CC2D2A: variants seen among roughly 807,000 people sequenced by gnomAD.
CC2D2A encodes the protein coiled-coil and C2 domain containing 2A, also known as coiled-coil and C2 domain-containing protein 2A.
In CC2D2A, 155 loss-of-function variants were observed where a neutral mutation model predicts 212.9. The observed-to-expected ratio is 0.73, with a 90% CI of 0.64 to 0.83. CC2D2A has a LOEUF of 0.83. Among genes scored for constraint, CC2D2A ranks in the 40% least tolerant of loss-of-function variants. The pLI is 0.00. For synonymous variants in CC2D2A, 667 were observed against 686.5 expected (o/e 0.97, Z 0.44); for missense variants, 1,856 against 1,956.2 (o/e 0.95, Z 0.97).
chr4:15,588,435 T>C lies in CC2D2A; in HGVS notation c.4179+506T>C, dbSNP rs1181295892. Among the ~76,000 whole-genome samples, 6 of 152,276 alleles carry C rather than the reference T, an allele frequency of 3.9e-5. No homozygotes were observed. The East Asian group carries it at 9.6e-4, about 24-fold the overall frequency. The stretch of plus-strand genomic sequence containing the variant: ...TAGCAGCTTTATTTTTATATTAACA[T>C]TGTTATTTTTATTAGATTGGAGACT... On this transcript the variant is annotated intron_variant, in intron 32 of 36. Coordinates refer to ENST00000424120, the MANE Select transcript of CC2D2A (RefSeq NM_001378615.1).
rs368667037 is a variant in CC2D2A, at chr4:15,577,428, CTTAAT to C, written c.3772-2537_3772-2533del. 2.8e-3 allele frequency among the ~76,000 whole-genome samples: 432 copies of C among 152,320 alleles called. 6 individuals carry two copies. The highest frequency in any genetic ancestry group is 0.01 in the African/African-American group (418 of 41,564). ...TCAAACTGAAATTTGTCAGCTCCAC[CTTAAT>C]TTGTTTCATCATAAGTGACCCAAAT... On this transcript the variant is annotated intron_variant, in intron 29 of 36. Coordinates refer to ENST00000424120, the MANE Select transcript of CC2D2A (RefSeq NM_001378615.1).
At chr4:15,589,473 T>C (rs1388703053) in intron 32 of CC2D2A, 72 bp from the exon 33 acceptor site, 6 of 1,281,386 alleles carry the variant, frequency 4.7e-6, no homozygotes, top group Admixed American at 2.0e-5. Flanking sequence ...TAATGAATTG[T>C]CTGTGCAAAC....
intron 3 of CC2D2A, chr4:15,479,385 T>C: frequency 1.5e-6 from 2 of 1,314,692 alleles, no homozygotes; most frequent in Non-Finnish European, 2.1e-6. Context: ...GCAGCTATTG[T>C]GGATGGGAGC....
intron 14 of CC2D2A, 74 bp from the exon 15 acceptor site, chr4:15,536,846 T>C: frequency 7.2e-7 from 1 of 1,394,814 alleles, no homozygotes; most frequent in Non-Finnish European, 9.9e-7. Flanking sequence ...AAGTCCAATA[T>C]AAGTATTTGC....
At chr4:15,573,608 T>G (rs372941505) in intron 28 of CC2D2A, among the ~76,000 whole-genome samples, 1 of 152,210 alleles carries the variant, frequency 6.6e-6, no homozygotes, top group Non-Finnish European at 1.5e-5. Flanking sequence ...GTTTTTATAC[T>G]CTTGTTTTCC....
intron 1 of CC2D2A, among the ~76,000 whole-genome samples, chr4:15,470,681 CTCTCTCTCTA>C (rs1713705904): frequency 7.0e-5 from 4 of 57,364 alleles, no homozygotes; most frequent in African/African-American, 1.9e-4. Flanking sequence ...CTCTCTCTCT[CTCTCTCTCTA>C]TATATATATA....
At chr4:15,567,523 A>G (rs13116304) in intron 25 of CC2D2A, 41 bp downstream of exon 25, 1 of 1,546,438 alleles carries the variant, frequency 6.5e-7, no homozygotes, top group Non-Finnish European at 8.8e-7. Context: ...TTGCCCCTTA[A>G]GTTTTTAAGA....
At chr4:15,559,803 GTTAT>G (rs564732212) in intron 22 of CC2D2A, among the ~76,000 whole-genome samples, 204 of 151,732 alleles carry the variant, frequency 1.3e-3, no homozygotes, top group African/African-American at 4.2e-3. Flanking sequence ...TATTTAAGAG[GTTAT>G]TTATTTATTT....
chr4:15,486,650 C>T (rs892572038), intron 4 of CC2D2A, among the ~76,000 whole-genome samples: 1 of 151,870 alleles, frequency 6.6e-6, no homozygotes, highest in Non-Finnish European at 1.5e-5. Context: ...GTATCACTTT[C>T]ATTTATTTCT....
At chr4:15,513,526 T>G (rs1353572506) in intron 8 of CC2D2A, among the ~76,000 whole-genome samples, 1 of 152,260 alleles carries the variant, frequency 6.6e-6, no homozygotes, top group African/African-American at 2.4e-5. Context: ...AAACTGCTCT[T>G]TTAAATCACA....
At position 15,537,963 on chromosome 4, in the gene CC2D2A, C is replaced by T. The variant is rs376457814; in HGVS notation, c.1829C>T (p.Pro610Leu). The T allele has an allele frequency of 2.7e-5, 44 of 1,610,072 alleles. No individual in the cohort carries two copies. The highest frequency in any genetic ancestry group is 1.6e-4 in the Middle Eastern group (1 of 6,082). Residue 610 changes from proline to leucine, a missense_variant, in exon 16 of 37, where the codon CCG becomes CTG. Pro to Leu is a moderately conservative substitution (Grantham distance 98). Transcript: ENST00000424120. The stretch of plus-strand genomic sequence containing the variant: ...CATCCCGGTGATGAGATTGCAGAGC[C>T]GTATCCCGAGGAGGACCTTGTGAAG... The part of the protein sequence containing the change: ...EEHPGDEIAE[P>L]YPEEDLVKPS...
rs202157832 is a variant in CC2D2A, at chr4:15,490,529, CTTTG to C, written c.247+9706_247+9709del. On this transcript the variant is annotated intron_variant, in intron 4 of 36. Transcript: ENST00000424120. ...TATTTCATCATATGGACACACTATA[CTTTG>C]TTTATTTATTCACCTGTTGACGGAC... 7.6e-3 allele frequency among the ~76,000 whole-genome samples: 1,158 copies of C among 152,280 alleles called. 5 individuals are homozygous for C. The highest frequency in any genetic ancestry group is 0.011 in the Non-Finnish European group (759 of 68,020).
At chr4:15,509,251 A>T (rs192367525) in intron 6 of CC2D2A, among the ~76,000 whole-genome samples, 1 of 151,068 alleles carries the variant, frequency 6.6e-6, no homozygotes, top group East Asian at 2.0e-4. Context: ...GAAGTGGATA[A>T]TCTTAATTTA....
intron 16 of CC2D2A, among the ~76,000 whole-genome samples, chr4:15,539,785 T>C (rs1464277280): frequency 6.6e-6 from 1 of 152,218 alleles, no homozygotes; most frequent in African/African-American, 2.4e-5. Flanking sequence ...GGTAATCTTT[T>C]ATGAGTGGAG....
chr4:15,554,139 C>T (rs1382051402), intron 19 of CC2D2A, among the ~76,000 whole-genome samples: 1 of 152,204 alleles, frequency 6.6e-6, no homozygotes, highest in Non-Finnish European at 1.5e-5. Context: ...GAAGCCACTT[C>T]CAGTGGAGGC....
Position 15,596,078 on chromosome 4 carries a change from TTC to T in CC2D2A, c.4315-5_4315-4del. The T allele has an allele frequency of 6.5e-7, 1 of 1,542,426 alleles. No homozygotes were observed. Among genetic ancestry groups the T allele is most frequent in the Non-Finnish European group, 8.8e-7 (1 of 1,141,118 alleles). ...CATATATGCTAATGTAGTCTTGTCT[TTC>T]TTAGATTTGGTTTAATATTCAACGA... On this transcript the variant is annotated splice_polypyrimidine_tract_variant and splice_region_variant and intron_variant, in intron 33 of 36. Transcript: ENST00000424120.
At chr4:15,570,575 C>T (rs1335805125) in intron 28 of CC2D2A, 79 bp downstream of exon 28, 30 of 990,526 alleles carry the variant, frequency 3.0e-5, no homozygotes, top group Non-Finnish European at 4.6e-5. Flanking sequence ...TCTTTGTGGG[C>T]CAGGCGCGGT....
chr4:15,591,705 A>C (rs1721117771), intron 33 of CC2D2A, among the ~76,000 whole-genome samples: 1 of 152,216 alleles, frequency 6.6e-6, no homozygotes, highest in Admixed American at 6.5e-5. Flanking sequence ...AGTCATTATA[A>C]TGAAAAGTGA....
At chr4:15,491,891 A>C (rs1360194443) in intron 4 of CC2D2A, among the ~76,000 whole-genome samples, 1 of 152,172 alleles carries the variant, frequency 6.6e-6, no homozygotes, top group Non-Finnish European at 1.5e-5. Flanking sequence ...ATTTTGATAA[A>C]CTCAAATTTA....
Sources: allele counts gnomAD v4.1 joint callset (sites outside exome capture counted in the v4.1 genomes callset), GRCh38; gene constraint gnomAD v4.1.1; transcripts MANE v1.5; gene names NCBI Gene and HGNC (gene_info 2026-07-23, HGNC 2026-07-21).